SLC36A1: variants seen among roughly 807,000 people sequenced by gnomAD.
SLC36A1 encodes the protein proton-coupled amino acid transporter 1.
A neutral mutation model predicts 47.5 loss-of-function variants in SLC36A1; 30 were observed. The observed-to-expected ratio is 0.63, with a 90% CI of 0.47 to 0.86. SLC36A1 has a LOEUF of 0.86. SLC36A1 is among the 40% of genes least tolerant of loss of function. SLC36A1 has a pLI of 0.00. For synonymous variants in SLC36A1, 255 were observed against 249.7 expected (o/e 1.02, Z -0.20); for missense variants, 517 against 606.0 (o/e 0.85, Z 1.54).
chr5:151,484,983 C>T (rs1037014372), intron 10 of SLC36A1, among the ~76,000 whole-genome samples: 1 of 152,104 alleles, frequency 6.6e-6, no homozygotes, highest in South Asian at 2.1e-4. Context: ...AGACCCAGAC[C>T]CCAGAGAGGG....
chr5:151,526,565 C>G, the SLC36A1 span, among the ~76,000 whole-genome samples: 4 of 152,326 alleles, frequency 2.6e-5, no homozygotes, highest in South Asian at 8.3e-4. Context: ...AGAAACTGAT[C>G]GTTGCCTATC....
At chr5:151,529,336 A>C in the SLC36A1 span, 49 of 1,614,012 alleles carry the variant, frequency 3.0e-5, no homozygotes, top group African/African-American at 5.3e-5. Context: ...CACTCAATGG[A>C]CAGGAAGTAC....
chr5:151,380,518 G>C, the SLC36A1 span: 2 of 508,394 alleles, frequency 3.9e-6, no homozygotes, highest in Non-Finnish European at 8.0e-6. Context: ...GGCAGTTCGT[G>C]TGTTGGAAAG....
chr5:151,538,218 AAGAG>A, the SLC36A1 span, among the ~76,000 whole-genome samples: 2 of 152,234 alleles, frequency 1.3e-5, no homozygotes, highest in Admixed American at 1.3e-4. Flanking sequence ...CGAGTCAGAA[AAGAG>A]AGAATGGAGA....
chr5:151,531,493 G>A, the SLC36A1 span: 16 of 1,511,190 alleles, frequency 1.1e-5, no homozygotes, highest in East Asian at 2.3e-5. This position sits in a 1 kb window ranked among gnomAD's most constrained non-coding sequence, Gnocchi z 5.7. Context: ...TCTGGGAGGC[G>A]CTGCACAGGG....
the SLC36A1 span, chr5:151,543,126 G>T: frequency 1.9e-6 from 3 of 1,614,134 alleles, no homozygotes; most frequent in African/African-American, 1.3e-5. Context: ...AGTGAGGAGG[G>T]CCTCCATCTT....
rs377735745 is a variant in SLC36A1 at position 151,488,319 on chromosome 5, G to T, written c.*65G>T. On this transcript the variant is annotated 3_prime_UTR_variant, in exon 11 of 11. Transcript: ENST00000243389. ...ATGTGTCCCCCGTTACCTGTCCTCAGAGCCTCAGGTATGGTCCAGGCTCTG... is the reference window on the plus strand; with the variant it reads ...ATGTGTCCCCCGTTACCTGTCCTCATAGCCTCAGGTATGGTCCAGGCTCTG... 5.0e-5 allele frequency: 78 copies of T among 1,567,860 alleles called. No individual in the cohort carries two copies. In the East Asian group the frequency reaches 1.3e-3, roughly 27 times the overall value.
chr5:151,481,288 G>C (rs1320282674), intron 10 of SLC36A1, among the ~76,000 whole-genome samples: 1 of 152,090 alleles, frequency 6.6e-6, no homozygotes, highest in Non-Finnish European at 1.5e-5. Context: ...GCATTGCATT[G>C]TCATCCTGTT....
the SLC36A1 span, among the ~76,000 whole-genome samples, chr5:151,418,696 T>G: frequency 6.6e-6 from 1 of 152,212 alleles, no homozygotes; most frequent in Non-Finnish European, 1.5e-5. Flanking sequence ...AAGACTTGCT[T>G]TGTCTTAGAT....
the SLC36A1 span, among the ~76,000 whole-genome samples, chr5:151,501,423 T>G: frequency 6.7e-6 from 1 of 149,206 alleles, no homozygotes; most frequent in East Asian, 1.9e-4. Context: ...GAAGTCACAT[T>G]TAGCTGGCGA....
At chr5:151,454,433 A>G (rs1212710123) in intron 1 of SLC36A1, among the ~76,000 whole-genome samples, 1 of 152,124 alleles carries the variant, frequency 6.6e-6, no homozygotes, top group East Asian at 1.9e-4. Flanking sequence ...TTCCAAAAAG[A>G]GCCATAGAAA....
the SLC36A1 span, among the ~76,000 whole-genome samples, chr5:151,498,913 C>A: frequency 0.013 from 1,910 of 152,318 alleles, 18 homozygotes; most frequent in South Asian, 0.022. Flanking sequence ...TATCCTCATA[C>A]CTGCCTGCGC....
chr5:151,512,172 A>G, the SLC36A1 span: 1,190,585 of 1,611,116 alleles, frequency 0.74, 442,673 homozygotes, highest in East Asian at 0.95. This position sits in a 1 kb window ranked among gnomAD's most constrained non-coding sequence, Gnocchi z 4.1. Context: ...CACCTGCCCC[A>G]TGGGTCCATG....
the SLC36A1 span, chr5:151,529,273 T>C: frequency 1.2e-6 from 2 of 1,614,120 alleles, no homozygotes; most frequent in Non-Finnish European, 1.7e-6. Context: ...ACATCAGTGA[T>C]GTTGACCATG....
chr5:151,429,176 A>T, the SLC36A1 span, among the ~76,000 whole-genome samples: 22 of 151,912 alleles, frequency 1.4e-4, no homozygotes, highest in Non-Finnish European at 2.8e-4. Context: ...CATTTTACCT[A>T]TGATTTTATT....
rs1478487259 is a variant in SLC36A1, at chr5:151,489,207, T to G, written c.*953T>G. ...GCCTGGTTTCATACCGAAAAGACATTGAAGGACTGCAGAAATGTATGGGTG... is the reference window on the plus strand; with the variant it reads ...GCCTGGTTTCATACCGAAAAGACATGGAAGGACTGCAGAAATGTATGGGTG... On this transcript the variant is annotated 3_prime_UTR_variant, in exon 11 of 11. Coordinates refer to ENST00000243389, the MANE Select transcript of SLC36A1 (RefSeq NM_078483.4). This position sits in a 1 kb window ranked among gnomAD's most constrained non-coding sequence, Gnocchi z 4.5. 1 of 152,150 alleles carries G rather than the reference T, an allele frequency of 6.6e-6. No homozygotes were observed. The highest frequency in any genetic ancestry group is 6.5e-5 in the Admixed American group (1 of 15,278). 9.4% of individuals were successfully genotyped at this position (152,150 alleles called of 1,614,324 possible).
the SLC36A1 span, among the ~76,000 whole-genome samples, chr5:151,379,024 T>G: frequency 7.2e-5 from 11 of 152,232 alleles, no homozygotes; most frequent in East Asian, 2.1e-3. Context: ...TGGGTCAGAG[T>G]TGGCAAAGCC....
the SLC36A1 span, chr5:151,521,659 C>T: frequency 1.2e-6 from 2 of 1,614,108 alleles, no homozygotes; most frequent in Non-Finnish European, 8.5e-7. Context: ...CCAGTGGTCA[C>T]TCACCAGCTC....
intron 6 of SLC36A1, 92 bp from the exon 7 acceptor site, chr5:151,467,615 G>A (rs1756631420): frequency 5.5e-6 from 6 of 1,087,170 alleles, no homozygotes; most frequent in Admixed American, 3.5e-5. Flanking sequence ...TCACACACCT[G>A]AGCCTTTCCT....
Sources: allele counts gnomAD v4.1 joint callset (sites outside exome capture counted in the v4.1 genomes callset), GRCh38; gene constraint gnomAD v4.1.1; non-coding constraint Gnocchi (gnomAD v3.1); transcripts MANE v1.5; gene names NCBI Gene and HGNC (gene_info 2026-07-23, HGNC 2026-07-21).